Variants in TMEM131L observed in about 807,000 individuals in gnomAD.
TMEM131L encodes transmembrane 131 like.
Under a neutral mutation model 192.2 loss-of-function variants are expected in TMEM131L, and 54 were observed. The ratio of observed to expected loss-of-function variants is 0.28; its 90% CI spans 0.23 to 0.35. The LOEUF is 0.35. Among genes scored for constraint, TMEM131L ranks in the 10% least tolerant of loss-of-function variants. TMEM131L has a pLI of 1.00. For synonymous variants in TMEM131L, 701 were observed against 704.9 expected (o/e 0.99, Z 0.09); for missense variants, 1,888 against 1,972.9 (o/e 0.96, Z 0.82).
At chr4:153,476,661 C>T (rs1731561463) in intron 3 of TMEM131L, among the ~76,000 whole-genome samples, 1 of 152,090 alleles carries the variant, frequency 6.6e-6, no homozygotes, top group African/African-American at 2.4e-5. Flanking sequence ...CGCACCACTG[C>T]ACTCCAGCCT....
intron 2 of TMEM131L, among the ~76,000 whole-genome samples, chr4:153,473,267 A>G (rs1731279798): frequency 6.6e-6 from 1 of 152,206 alleles, no homozygotes; most frequent in South Asian, 2.1e-4. Context: ...AGTGAATGAT[A>G]TGAGGAGACT....
Position 153,612,407 on chromosome 4 carries a change from A to AT in TMEM131L, c.3567+15dup, listed in dbSNP as rs554207851. The AT allele has an allele frequency of 2.8e-4, 444 of 1,574,494 alleles. 2 individuals are homozygous for AT. In the African/African-American group the frequency reaches 4.1e-3, roughly 14 times the overall value. ...GGACATACCTTTCGTAGAGGTCTGT[A>AT]TTTTTTTTCTTGCCTATTAAAAACA... On this transcript the variant is annotated splice_region_variant and intron_variant, in intron 26 of 34. Transcript: ENST00000409959.
At chr4:153,605,417 G>T (rs1732155976) in intron 25 of TMEM131L, among the ~76,000 whole-genome samples, 1 of 152,200 alleles carries the variant, frequency 6.6e-6, no homozygotes, top group South Asian at 2.1e-4. Context: ...ACCCAGGTTG[G>T]ACTGCAGTGG....
At position 153,618,476 on chromosome 4, in the gene TMEM131L, C is replaced by CAAAA. The variant is rs10669791; in HGVS notation, c.3568-2265_3568-2262dup. Among the ~76,000 whole-genome samples, 176 of 99,362 alleles carry CAAAA rather than the reference C, an allele frequency of 1.8e-3. 3 individuals are homozygous for CAAAA. The highest frequency in any genetic ancestry group is 6.3e-3 in the African/African-American group (158 of 25,146). 65.2% of individuals were successfully genotyped at this position (99,362 alleles called of 152,430 possible). A position where few individuals can be genotyped will look rare whatever the true frequency, so the allele number is the denominator to read the frequency against. On this transcript the variant is annotated intron_variant, in intron 26 of 34. Transcript: ENST00000409959. ...GAGCAACAGAGCAAGACCCTGTCTC[C>CAAAA]AAAAAAAAAAAAAAAAAACCCACCA...
chr4:153,582,218 G>GT (rs1005456660), intron 9 of TMEM131L, among the ~76,000 whole-genome samples: 32 of 151,554 alleles, frequency 2.1e-4, no homozygotes, highest in African/African-American at 7.5e-4. Context: ...TATTCTTTGG[G>GT]TTTTTTTGTT....
rs139569467 is a variant in TMEM131L, at chr4:153,523,786, C to T, written c.240-26287C>T. Among the ~76,000 whole-genome samples, 26 of 152,300 alleles carry T rather than the reference C, an allele frequency of 1.7e-4. No homozygotes were observed. The East Asian group carries it at 4.6e-3, about 27-fold the overall frequency. ...TTAAAATATTTCCAAATCAAGGCCA[C>T]ACCCAGAAAAGATCTCACCTTTACT... On this transcript the variant is annotated intron_variant, in intron 3 of 34. Transcript: ENST00000409959.
intron 3 of TMEM131L, among the ~76,000 whole-genome samples, chr4:153,495,159 A>G (rs1733078768): frequency 6.6e-6 from 1 of 152,090 alleles, no homozygotes; most frequent in African/African-American, 2.4e-5. Flanking sequence ...TACTAAAAAT[A>G]CAAAAATTAG....
intron 34 of TMEM131L, 102 bp downstream of exon 34, chr4:153,635,673 A>G: frequency 7.4e-7 from 1 of 1,350,224 alleles, no homozygotes; most frequent in East Asian, 2.4e-5. Context: ...TTGGGTTTGG[A>G]CCAGCCAAAG....
rs74800124 is a variant in TMEM131L at position 153,537,237 on chromosome 4, A to G, written c.240-12836A>G. On this transcript the variant is annotated intron_variant, in intron 3 of 34. Transcript: ENST00000409959. ...TAGATGATCTCTTGTACTCATCTTT[A>G]TGGTTAACTCCACCTTTGTAGATTG... 6.9e-3 allele frequency among the ~76,000 whole-genome samples: 1,051 copies of G among 152,242 alleles called. 9 individuals are homozygous for G. The highest frequency in any genetic ancestry group is 0.024 in the African/African-American group (984 of 41,526).
chr4:153,576,541 G>C (rs1357760695), intron 7 of TMEM131L, among the ~76,000 whole-genome samples: 1 of 151,992 alleles, frequency 6.6e-6, no homozygotes, highest in Admixed American at 6.5e-5. Flanking sequence ...TGCGAAATAG[G>C]GTTGTTAATT....
At chr4:153,599,089 T>TA (rs1212815968) in intron 21 of TMEM131L, among the ~76,000 whole-genome samples, 5 of 152,152 alleles carry the variant, frequency 3.3e-5, no homozygotes, top group Non-Finnish European at 4.4e-5. Context: ...GCAGGTTGTG[T>TA]AGGAAGCATG....
intron 3 of TMEM131L, among the ~76,000 whole-genome samples, chr4:153,506,564 CG>C (rs1733996494): frequency 6.6e-6 from 1 of 151,934 alleles, no homozygotes; most frequent in Non-Finnish European, 1.5e-5. Flanking sequence ...GTATTTACGC[CG>C]GGTGCGGTGG....
chr4:153,541,190 G>A (rs1736752713), intron 3 of TMEM131L, among the ~76,000 whole-genome samples: 1 of 152,216 alleles, frequency 6.6e-6, no homozygotes, highest in African/African-American at 2.4e-5. Context: ...TGGGATGGGA[G>A]TTGGGGAAAT....
intron 23 of TMEM131L, 82 bp from the exon 24 acceptor site, chr4:153,603,221 C>A: frequency 8.5e-7 from 1 of 1,182,880 alleles, no homozygotes; most frequent in Non-Finnish European, 1.2e-6. Context: ...GTAAATCATT[C>A]CCCACTCTTC....
At position 153,602,558 on chromosome 4, in the gene TMEM131L, A is replaced by G; in HGVS notation, c.2470A>G (p.Thr824Ala). 6.2e-7 allele frequency: 1 copy of G among 1,613,962 alleles called. No individual in the cohort carries two copies. Among genetic ancestry groups the G allele is most frequent in the Non-Finnish European group, 8.5e-7 (1 of 1,179,952 alleles). ...TATTTTCAGGTTCACTCCAGACTTT[A>G]CCTCCTCCTGGGTAATTCGGGACCT... is the stretch of plus-strand genomic sequence containing the variant. The part of the protein sequence containing the change: ...DISIVFTPDF[T>A]SSWVIRDLSL... Residue 824 changes from threonine (T) to alanine (A), a missense_variant, in exon 23 of 35, where the codon ACC (threonine) becomes GCC (alanine). Coordinates refer to ENST00000409959, the MANE Select transcript of TMEM131L (RefSeq NM_001131007.2).
intron 11 of TMEM131L, among the ~76,000 whole-genome samples, chr4:153,584,295 G>C (rs1730558451): frequency 6.6e-6 from 1 of 152,206 alleles, no homozygotes; most frequent in African/African-American, 2.4e-5. Context: ...AGATAATTGG[G>C]AGTCAGGGTG....
chr4:153,581,362 G>C (rs1730326360), intron 8 of TMEM131L, 45 bp from the exon 9 acceptor site: 1 of 1,455,048 alleles, frequency 6.9e-7, no homozygotes, highest in South Asian at 1.5e-5. Flanking sequence ...CCACAAAGTT[G>C]AGATGATTTT....
intron 7 of TMEM131L, among the ~76,000 whole-genome samples, chr4:153,566,996 G>T (rs1041416455): frequency 6.6e-6 from 1 of 152,246 alleles, no homozygotes; most frequent in African/African-American, 2.4e-5. Context: ...CTACAGCGTG[G>T]TGCCTGCTAG....
chr4:153,627,653 T>A lies in TMEM131L; in HGVS notation c.4173T>A (p.Leu1391=). The change falls in exon 31 of 35, where the codon CTT becomes CTA. Residue 1391 remains leucine, a synonymous_variant. Coordinates refer to ENST00000409959, the MANE Select transcript of TMEM131L (RefSeq NM_001131007.2). The part of the protein sequence containing the change: ...PQYAEPSCPS[L]PAGPTGVEED... ...ACGCAGAGCCTTCCTGTCCCAGCCT[T>A]CCTGCCGGGCCCACAGGTGTTGAAG... is the stretch of plus-strand genomic sequence containing the variant. 6.2e-7 allele frequency: 1 copy of A among 1,614,072 alleles called. No homozygotes were observed. Among genetic ancestry groups the A allele is most frequent in the Non-Finnish European group, 8.5e-7 (1 of 1,179,968 alleles).
Sources: gnomAD v4.1 joint callset for allele counts (sites outside exome capture counted in the v4.1 genomes callset) on GRCh38, gnomAD v4.1.1 for gene constraint, MANE v1.5 for transcripts, NCBI Gene and HGNC (gene_info 2026-07-23, HGNC 2026-07-21) for gene names.